NT5C1A: variants seen among roughly 807,000 people sequenced by gnomAD.
NT5C1A encodes cytosolic 5'-nucleotidase 1A.
A neutral mutation model predicts 31.0 loss-of-function variants in NT5C1A; 18 were observed. That is an observed-to-expected ratio of 0.58 (90% CI 0.40 to 0.86). The LOEUF (loss-of-function observed/expected upper bound fraction) is 0.86, where lower values mean the gene tolerates loss of function less well. Among genes scored for constraint, NT5C1A ranks in the 40% least tolerant of loss-of-function variants. The probability of loss-of-function intolerance (pLI) is 0.00; values close to 1 mark genes in which losing one functional copy is unlikely to be tolerated. For synonymous variants in NT5C1A, 185 were observed against 203.6 expected (o/e 0.91, Z 0.78); for missense variants, 470 against 505.4 (o/e 0.93, Z 0.67).
At position 39,661,223 on chromosome 1, in the gene NT5C1A, C is replaced by T. The variant is rs749577994; in HGVS notation, c.597G>A (p.Val199=). 4.4e-6 allele frequency: 7 copies of T among 1,593,504 alleles called. No homozygotes were observed. The highest frequency in any genetic ancestry group is 4.3e-6 in the Non-Finnish European group (5 of 1,162,978). The part of the protein sequence containing the change: ...AATIFSPSRD[V]VVSQSQLRVA... Reference sequence around the variant, plus strand: ...CGCGCAGCTGACTCTGGGACACAACCACATCCCTGCTGGGGCTGAAGATGG... The same window carrying T: ...CGCGCAGCTGACTCTGGGACACAACTACATCCCTGCTGGGGCTGAAGATGG... Residue 199 remains valine, a synonymous_variant, in exon 5 of 6, where the codon GTG becomes GTA. Transcript: ENST00000235628.
At chr1:39,662,713 G>T (rs1302113462) in intron 4 of NT5C1A, among the ~76,000 whole-genome samples, 2 of 152,316 alleles carry the variant, frequency 1.3e-5, no homozygotes, top group African/African-American at 4.8e-5. Flanking sequence ...TTTATCTCAT[G>T]TGCAATAGGA....
intron 1 of NT5C1A, among the ~76,000 whole-genome samples, chr1:39,670,900 T>C (rs1340815264): frequency 6.6e-6 from 1 of 152,142 alleles, no homozygotes; most frequent in Non-Finnish European, 1.5e-5. Flanking sequence ...CTCTCATCTC[T>C]GGAGCCTCCA....
chr1:39,665,034 G>C (rs1646513990), intron 3 of NT5C1A, among the ~76,000 whole-genome samples: 1 of 152,158 alleles, frequency 6.6e-6, no homozygotes, highest in East Asian at 1.9e-4. Flanking sequence ...GCTTAAGCTA[G>C]CTCTGGAGGG....
At chr1:39,666,747 C>T (rs1240051185) in intron 1 of NT5C1A, among the ~76,000 whole-genome samples, 1 of 152,224 alleles carries the variant, frequency 6.6e-6, no homozygotes, top group Non-Finnish European at 1.5e-5. Flanking sequence ...TCAAAGTTAA[C>T]ATTCCCAAGG....
rs1646461146 is a variant in NT5C1A at position 39,656,830 on chromosome 1, C to A, written c.*2291G>T. 6.6e-6 allele frequency among the ~76,000 whole-genome samples: 1 copy of A among 152,224 alleles called. No homozygotes were observed. Among genetic ancestry groups the A allele is most frequent in the Admixed American group, 6.5e-5 (1 of 15,292 alleles). ...GGCTCTTCCACGGGGGTGATTCTGA[C>A]CCCTGGGAGTGAGAAGGAGAGGGCC... On this transcript the variant is annotated 3_prime_UTR_variant, in exon 6 of 6. Transcript: ENST00000235628.
At chr1:39,670,109 A>C (rs1321686260) in intron 1 of NT5C1A, among the ~76,000 whole-genome samples, 1 of 151,698 alleles carries the variant, frequency 6.6e-6, no homozygotes, top group African/African-American at 2.4e-5. Context: ...AATGCATTAC[A>C]TTTATTTATT....
At chr1:39,671,453 C>T (rs1646551229) in intron 1 of NT5C1A, among the ~76,000 whole-genome samples, 1 of 152,236 alleles carries the variant, frequency 6.6e-6, no homozygotes, top group Non-Finnish European at 1.5e-5. Context: ...GACCCAGAGC[C>T]AGACCCCAAA....
chr1:39,668,891 T>C (rs1482658111), intron 1 of NT5C1A, among the ~76,000 whole-genome samples: 2 of 152,106 alleles, frequency 1.3e-5, no homozygotes, highest in Non-Finnish European at 2.9e-5. Context: ...CATGGCTGTG[T>C]AAGAAATATG....
Position 39,659,127 on chromosome 1 carries a change from T to C in NT5C1A, c.1101A>G (p.Ala367=). ...RTAPAKQAPS[A]Q ...AGTAAAGCCGGTGGTTCAGCTACTG[T>C]GCAGATGGGGCCTGCTTTGCAGGTG... The change falls in exon 6 of 6, where the codon GCA becomes GCG. Residue 367 remains alanine (A), a synonymous_variant. Transcript: ENST00000235628. 14 of 1,600,244 alleles carry C rather than the reference T, an allele frequency of 8.7e-6. No individual in the cohort carries two copies. Among genetic ancestry groups the C allele is most frequent in the Non-Finnish European group, 1.2e-5 (14 of 1,171,722 alleles).
At chr1:39,660,196 C>T (rs548022195) in intron 5 of NT5C1A, among the ~76,000 whole-genome samples, 1 of 152,314 alleles carries the variant, frequency 6.6e-6, no homozygotes, top group South Asian at 2.1e-4. Context: ...GGAAAACTCT[C>T]CTGCCCTGGA....
chr1:39,668,119 TACC>T (rs1646533043), intron 1 of NT5C1A, among the ~76,000 whole-genome samples: 1 of 152,358 alleles, frequency 6.6e-6, no homozygotes, highest in Admixed American at 6.5e-5. Context: ...AGTTGCTGAC[TACC>T]ACCATGTGTG....
chr1:39,661,266 A>C lies in NT5C1A; in HGVS notation c.557-3T>G. ...GAAGATGGTGGCAGCTGCGATCCCT[A>C]GGCAGAGAGAGGCAAGCATTGTCTG... On this transcript the variant is annotated splice_region_variant and splice_polypyrimidine_tract_variant and intron_variant, in intron 4 of 5. Transcript: ENST00000235628. The C allele has an allele frequency of 6.5e-7, 1 of 1,528,774 alleles. No individual in the cohort carries two copies. The highest frequency in any genetic ancestry group is 1.1e-5 in the South Asian group (1 of 88,232). The allele number at this position is 1,528,774 out of a possible 1,614,324, so 94.7% of individuals were successfully genotyped here.
At position 39,657,530 on chromosome 1, in the gene NT5C1A, C is replaced by T. The variant is rs998042965; in HGVS notation, c.*1591G>A. Among the ~76,000 whole-genome samples, 5 of 152,346 alleles carry T rather than the reference C, an allele frequency of 3.3e-5. No individual in the cohort carries two copies. Among genetic ancestry groups the T allele is most frequent in the African/African-American group, 9.6e-5 (4 of 41,576 alleles). ...TCCTAGAAGCCTGGCAATCAGTCCA[C>T]ACACAGATGTCTGCTCACCCCTTCT... On this transcript the variant is annotated 3_prime_UTR_variant, in exon 6 of 6. Transcript: ENST00000235628.
intron 3 of NT5C1A, among the ~76,000 whole-genome samples, chr1:39,664,399 G>A (rs1375565621): frequency 2.8e-5 from 4 of 144,984 alleles, no homozygotes; most frequent in Non-Finnish European, 6.0e-5. Flanking sequence ...CCCCGCCTCG[G>A]CCTCCCAAAG....
intron 1 of NT5C1A, among the ~76,000 whole-genome samples, chr1:39,670,081 A>G (rs1238098333): frequency 6.6e-6 from 1 of 152,196 alleles, no homozygotes; most frequent in Non-Finnish European, 1.5e-5. Flanking sequence ...ATTGGTGTTT[A>G]TTTATTTTAC....
At chr1:39,669,209 G>A (rs1046474810) in intron 1 of NT5C1A, among the ~76,000 whole-genome samples, 9 of 152,206 alleles carry the variant, frequency 5.9e-5, no homozygotes, top group South Asian at 2.1e-4. Context: ...TGATGGCTCC[G>A]GCTAGGGGAT....
intron 4 of NT5C1A, 34 bp downstream of exon 4, chr1:39,663,278 A>T: frequency 6.2e-7 from 1 of 1,613,340 alleles, no homozygotes; most frequent in Non-Finnish European, 8.5e-7. Flanking sequence ...CCTTTGCTGC[A>T]CTCCCCATAT....
chr1:39,661,338 C>G, intron 4 of NT5C1A, 75 bp from the exon 5 acceptor site: 1 of 706,660 alleles, frequency 1.4e-6, no homozygotes, highest in Non-Finnish European at 2.5e-6. Context: ...TTAGGCTATC[C>G]TTGCCCCACC....
chr1:39,666,321 G>A, intron 1 of NT5C1A, 85 bp from the exon 2 acceptor site: 1 of 1,375,128 alleles, frequency 7.3e-7, no homozygotes. Flanking sequence ...TGGGTAGTGA[G>A]GACATGGAGA....
Sources: gnomAD v4.1 joint callset for allele counts (sites outside exome capture counted in the v4.1 genomes callset) on GRCh38, gnomAD v4.1.1 for gene constraint, MANE v1.5 for transcripts, NCBI Gene and HGNC (gene_info 2026-07-23, HGNC 2026-07-21) for gene names.